The following TPPP variants were observed in gnomAD, a reference collection of about 807,000 sequenced individuals.
TPPP encodes the protein tubulin polymerization promoting protein.
A neutral mutation model predicts 15.5 loss-of-function variants in TPPP; 6 were observed. That is an observed-to-expected ratio of 0.39 (90% CI 0.21 to 0.77). The LOEUF (loss-of-function observed/expected upper bound fraction) is 0.77, where lower values mean the gene tolerates loss of function less well. Among genes scored for constraint, TPPP ranks in the 30% least tolerant of loss-of-function variants. The pLI is 0.42. For missense variants in TPPP, 269 were observed against 307.2 expected, an observed-to-expected ratio of 0.88 and a Z score of 0.93; for synonymous variants, 146 against 133.9, an observed-to-expected ratio of 1.09 and a Z score of -0.63.
chr5:680,292 G>A lies in TPPP; in HGVS notation c.-4-2228C>T, dbSNP rs1234620163. Among the ~76,000 whole-genome samples the A allele has an allele frequency of 8.1e-5, 9 of 110,844 alleles. No homozygotes were observed. The East Asian group carries it at 1.2e-3, about 15-fold the overall frequency. The allele number at this position is 110,844 out of a possible 152,430, so 72.7% of individuals were successfully genotyped here. A position where few individuals can be genotyped will look rare whatever the true frequency, so the allele number is the denominator to read the frequency against. On this transcript the variant is annotated intron_variant, in intron 1 of 3. Transcript: ENST00000360578. Reference sequence around the variant, plus strand: ...AAGGAACAGGGGTCAGGCCATCGCCGGATCTACTGAAGACAGACACTGCCT... The same window carrying A: ...AAGGAACAGGGGTCAGGCCATCGCCAGATCTACTGAAGACAGACACTGCCT...
rs148564690 is a variant in TPPP at position 683,315 on chromosome 5, G to A, written c.-4-5251C>T. On this transcript the variant is annotated intron_variant, in intron 1 of 3. Transcript: ENST00000360578. ...AAGACACTCTGATGGCAGCCGACTG[G>A]ATTCCACCAGAACCCGAGGGCAAGC... Among the ~76,000 whole-genome samples, 27 of 152,224 alleles carry A rather than the reference G, an allele frequency of 1.8e-4. No individual in the cohort carries two copies. The East Asian group carries it at 5.2e-3, about 29-fold the overall frequency.
chr5:686,209 C>T (rs1465888503), intron 1 of TPPP, among the ~76,000 whole-genome samples: 2 of 152,266 alleles, frequency 1.3e-5, no homozygotes, highest in African/African-American at 2.4e-5. Context: ...CCGGCTGGCT[C>T]ATCCCATCAA....
chr5:692,533 C>G, intron 1 of TPPP: 1 of 974,474 alleles, frequency 1.0e-6, no homozygotes. Flanking sequence ...GCAGCCCCGC[C>G]ACTGCCCGGG....
intron 1 of TPPP, among the ~76,000 whole-genome samples, chr5:684,457 G>A (rs1038476866): frequency 8.5e-5 from 13 of 152,126 alleles, no homozygotes; most frequent in African/African-American, 2.9e-4. Context: ...AGACCCAGAG[G>A]ACAAGGGGAC....
chr5:693,907 A>T (rs541868278), upstream of TPPP, among the ~76,000 whole-genome samples: 8,155 of 147,808 alleles, frequency 0.055, 310 homozygotes, highest in African/African-American at 0.19. Flanking sequence ...GGGCGCACCC[A>T]GGGGACTGGG....
Position 669,137 on chromosome 5 carries a change from C to T in TPPP, c.312-3014G>A, listed in dbSNP as rs112703236. ...GTCCCAGGGAGGGGAGCGGAGGCCTCGCTGTGTCCGGAGGGGGCTTTGGGG... is the reference window on the plus strand; with the variant it reads ...GTCCCAGGGAGGGGAGCGGAGGCCTTGCTGTGTCCGGAGGGGGCTTTGGGG... On this transcript the variant is annotated intron_variant, in intron 2 of 3. Transcript: ENST00000360578. Among the ~76,000 whole-genome samples the T allele has an allele frequency of 1.7e-4, 26 of 152,324 alleles. 1 individual carries two copies. Among genetic ancestry groups the T allele is most frequent in the South Asian group, 4.1e-4 (2 of 4,828 alleles).
rs1740193628 is a variant in TPPP at position 670,791 on chromosome 5, G to A, written c.312-4668C>T. Among the ~76,000 whole-genome samples, 8 of 152,330 alleles carry A rather than the reference G, an allele frequency of 5.3e-5. No individual in the cohort carries two copies. The South Asian group carries it at 1.7e-3, about 32-fold the overall frequency. On this transcript the variant is annotated intron_variant, in intron 2 of 3. Transcript: ENST00000360578. The stretch of plus-strand genomic sequence containing the variant: ...AGGACCTAGAGCAACGTTTCCCGGG[G>A]CCGACAGAGGTCGGTGGCAAGCCCT...
intron 2 of TPPP, among the ~76,000 whole-genome samples, chr5:669,358 G>A (rs1337344083): frequency 2.0e-5 from 3 of 152,178 alleles, no homozygotes; most frequent in Non-Finnish European, 2.9e-5. Context: ...GCCCCTTGAC[G>A]CGCTCGGCGT....
intron 1 of TPPP, among the ~76,000 whole-genome samples, chr5:685,902 G>C (rs1428912216): frequency 6.6e-6 from 1 of 152,124 alleles, no homozygotes; most frequent in African/African-American, 2.4e-5. Context: ...TGGGAGGATG[G>C]AACATTCCAG....
Position 664,236 on chromosome 5 carries a change from C to G in TPPP, c.*866G>C, listed in dbSNP as rs983076787. 1.3e-5 allele frequency: 2 copies of G among 152,646 alleles called. No homozygotes were observed. The highest frequency in any genetic ancestry group is 3.7e-4 in the East Asian group (2 of 5,340). The allele number at this position is 152,646 out of a possible 1,614,324, so 9.5% of individuals were successfully genotyped here. On this transcript the variant is annotated 3_prime_UTR_variant, in exon 4 of 4. Coordinates refer to ENST00000360578, the MANE Select transcript of TPPP (RefSeq NM_007030.3). ...CGGGAGGGCCGGGCAGAGGCTCTGT[C>G]ACGCGGTGAGGCGAGGAGTGTCTCG...
Position 692,888 on chromosome 5 carries a change from G to A in TPPP, c.-5+390C>T, listed in dbSNP as rs563861823. Reference sequence around the variant, plus strand: ...CTCACACCGGCGGCCCCCTAGGCCTGGGAATAGGGAAACGGTTCGAGTCCC... The same window carrying A: ...CTCACACCGGCGGCCCCCTAGGCCTAGGAATAGGGAAACGGTTCGAGTCCC... On this transcript the variant is annotated intron_variant, in intron 1 of 3. Coordinates refer to ENST00000360578, the MANE Select transcript of TPPP (RefSeq NM_007030.3). The A allele has an allele frequency of 1.3e-4, 124 of 945,916 alleles. 3 individuals are homozygous for A. The African/African-American group carries it at 1.7e-3, about 13-fold the overall frequency. 58.6% of individuals were successfully genotyped at this position (945,916 alleles called of 1,614,324 possible).
intron 1 of TPPP, among the ~76,000 whole-genome samples, chr5:688,452 T>TAAAGGTTAAAAACAGGC (rs1369972520): frequency 1.3e-5 from 2 of 151,304 alleles, no homozygotes; most frequent in Non-Finnish European, 3.0e-5. Flanking sequence ...GGCTTCTGGT[T>TAAAGGTTAAAAACAGGC]AAAGGTTAAA....
At chr5:697,916 A>T (rs1238563410), upstream of TPPP, among the ~76,000 whole-genome samples, 1 of 144,848 alleles carries the variant, frequency 6.9e-6, no homozygotes, top group Non-Finnish European at 1.5e-5. Context: ...CCCTGTGAAT[A>T]TAGATGCAAA....
intron 1 of TPPP, among the ~76,000 whole-genome samples, chr5:681,861 G>C (rs113948530): frequency 6.6e-6 from 1 of 152,144 alleles, no homozygotes; most frequent in Non-Finnish European, 1.5e-5. Flanking sequence ...CCAGAGGGTG[G>C]CTGTCCTAGG....
chr5:685,884 G>C (rs1740752802), intron 1 of TPPP, among the ~76,000 whole-genome samples: 1 of 152,152 alleles, frequency 6.6e-6, no homozygotes, highest in African/African-American at 2.4e-5. Context: ...ATGACAGGGA[G>C]ACGCAGGTGG....
chr5:683,464 G>T (rs1319647066), intron 1 of TPPP, among the ~76,000 whole-genome samples: 2 of 152,204 alleles, frequency 1.3e-5, no homozygotes, highest in African/African-American at 4.8e-5. Context: ...GCCGATGCTC[G>T]TGCCCTGGAG....
At chr5:686,734 G>T (rs1354844665) in intron 1 of TPPP, among the ~76,000 whole-genome samples, 1 of 147,500 alleles carries the variant, frequency 6.8e-6, no homozygotes, top group Non-Finnish European at 1.5e-5. Context: ...GACACAGAGA[G>T]AAGAGAAGAA....
chr5:672,216 G>C lies in TPPP; in HGVS notation c.311+5534C>G, dbSNP rs368251871. Among the ~76,000 whole-genome samples the C allele has an allele frequency of 5.9e-5, 9 of 152,268 alleles. No homozygotes were observed. The South Asian group carries it at 6.2e-4, about 11-fold the overall frequency. ...GACCCCAGTGCCGGCTGGCCGGGGG[G>C]GTGTACCAGGCTCAGCAGCCCTCCA... On this transcript the variant is annotated intron_variant, in intron 2 of 3. Coordinates refer to ENST00000360578, the MANE Select transcript of TPPP (RefSeq NM_007030.3).
intron 1 of TPPP, among the ~76,000 whole-genome samples, chr5:685,769 C>T (rs111743206): frequency 6.6e-6 from 1 of 152,336 alleles, no homozygotes; most frequent in African/African-American, 2.4e-5. Context: ...GCCACCAGAG[C>T]CCATCTGCAC....
Sources: gnomAD v4.1 joint callset for allele counts (sites outside exome capture counted in the v4.1 genomes callset) on GRCh38, gnomAD v4.1.1 for gene constraint, MANE v1.5 for transcripts, NCBI Gene and HGNC (gene_info 2026-07-23, HGNC 2026-07-21) for gene names.